The following GPR158 variants were observed in gnomAD, a reference collection of about 807,000 sequenced individuals.
GPR158 encodes the protein metabotropic glycine receptor.
Under a neutral mutation model 78.2 loss-of-function variants are expected in GPR158, and 30 were observed. The observed-to-expected ratio is 0.38, with a 90% CI of 0.29 to 0.52. GPR158 has a LOEUF of 0.52. Among genes scored for constraint, GPR158 ranks in the 20% least tolerant of loss-of-function variants. GPR158 has a pLI of 0.83. For synonymous variants in GPR158, 581 were observed against 591.1 expected (o/e 0.98, Z 0.25); for missense variants, 1,463 against 1,523.5 (o/e 0.96, Z 0.66).
chr10:25,219,566 G>A (rs1853269446), intron 1 of GPR158, among the ~76,000 whole-genome samples: 1 of 152,086 alleles, frequency 6.6e-6, no homozygotes, highest in South Asian at 2.1e-4. Flanking sequence ...AACATATTCT[G>A]GATTATCTGG....
At position 25,221,167 on chromosome 10, in the gene GPR158, T is replaced by C; in HGVS notation, c.1008+10T>C. 3 of 1,354,406 alleles carry C rather than the reference T, an allele frequency of 2.2e-6. No individual in the cohort carries two copies. Among genetic ancestry groups the C allele is most frequent in the Non-Finnish European group, 3.2e-6 (3 of 950,564 alleles). The allele number at this position is 1,354,406 out of a possible 1,614,324, so 83.9% of individuals were successfully genotyped here. On this transcript the variant is annotated intron_variant, in intron 2 of 10. Coordinates refer to ENST00000376351, the MANE Select transcript of GPR158 (RefSeq NM_020752.3). The stretch of plus-strand genomic sequence containing the variant: ...CCTCAACAATTCAGAGGTAAGAAGA[T>C]GAAAATAAAATCCTCTTTAAGCTCA...
intron 4 of GPR158, among the ~76,000 whole-genome samples, chr10:25,423,149 ATG>A (rs1834776699): frequency 1.4e-5 from 2 of 147,754 alleles, no homozygotes; most frequent in African/African-American, 2.6e-5. Context: ...ATACATATAT[ATG>A]TATATGTATA....
chr10:25,339,117 T>C (rs1855267616), intron 2 of GPR158, among the ~76,000 whole-genome samples: 1 of 151,462 alleles, frequency 6.6e-6, no homozygotes, highest in Non-Finnish European at 1.5e-5. Context: ...TCCAAGTACC[T>C]GGGACTACAG....
At chr10:25,271,458 G>T (rs1290893777) in intron 2 of GPR158, among the ~76,000 whole-genome samples, 1 of 152,054 alleles carries the variant, frequency 6.6e-6, no homozygotes, top group African/African-American at 2.4e-5. Flanking sequence ...GACATTACAG[G>T]AAGCCATCTT....
rs1377159551 is a variant in GPR158, at chr10:25,524,312, CA to C, written c.1405-26662del. On this transcript the variant is annotated intron_variant, in intron 5 of 10. Coordinates refer to ENST00000376351, the MANE Select transcript of GPR158 (RefSeq NM_020752.3). ...TCGTTCTAAAATGTATATGGACACGCAAGGGGCCCAGAATATCTAAAATAAT... is the reference window on the plus strand; with the variant it reads ...TCGTTCTAAAATGTATATGGACACGCAGGGGCCCAGAATATCTAAAATAAT... 7.9e-5 allele frequency among the ~76,000 whole-genome samples: 12 copies of C among 152,222 alleles called. No homozygotes were observed. In the South Asian group the frequency reaches 1.5e-3, roughly 18 times the overall value.
chr10:25,593,595 C>G (rs1332926287), intron 8 of GPR158, among the ~76,000 whole-genome samples: 1 of 151,922 alleles, frequency 6.6e-6, no homozygotes, highest in Non-Finnish European at 1.5e-5. Context: ...GAAAATATTC[C>G]CAAATTACTA....
chr10:25,533,643 T>G lies in GPR158; in HGVS notation c.1405-17333T>G, dbSNP rs183503253. Among the ~76,000 whole-genome samples, 329 of 152,354 alleles carry G rather than the reference T, an allele frequency of 2.2e-3. 3 individuals carry two copies. Among genetic ancestry groups the G allele is most frequent in the African/African-American group, 7.6e-3 (314 of 41,588 alleles). ...ATTTTCCTTGGAAGTTATTTTTACC[T>G]TGTCGGCAGTGTTCAGTTCAACCCT... On this transcript the variant is annotated intron_variant, in intron 5 of 10. Transcript: ENST00000376351.
intron 7 of GPR158, among the ~76,000 whole-genome samples, chr10:25,575,849 A>C (rs773236585): frequency 6.2e-4 from 94 of 152,060 alleles, no homozygotes; most frequent in Non-Finnish European, 7.9e-4. Context: ...TCCTGCCTTC[A>C]TATCTATAAA....
At chr10:25,204,696 A>G (rs1229008980) in intron 1 of GPR158, among the ~76,000 whole-genome samples, 1 of 151,340 alleles carries the variant, frequency 6.6e-6, no homozygotes, top group East Asian at 1.9e-4. Context: ...TTCTTCAGGG[A>G]TATTGGTCTA....
chr10:25,452,405 A>G (rs139476005), intron 4 of GPR158, among the ~76,000 whole-genome samples: 7 of 152,174 alleles, frequency 4.6e-5, no homozygotes, highest in African/African-American at 1.7e-4. Flanking sequence ...AGTCTTAAAA[A>G]TGTAGCCAAA....
rs528801451 is a variant in GPR158, at chr10:25,383,509, G to A, written c.1009-12402G>A. On this transcript the variant is annotated intron_variant, in intron 2 of 10. Transcript: ENST00000376351. Reference sequence around the variant, plus strand: ...GGTTTCGTTTTCAGGAAATTTAGGCGGAGAAAAGGCACTTTACCTGGATGC... The same window carrying A: ...GGTTTCGTTTTCAGGAAATTTAGGCAGAGAAAAGGCACTTTACCTGGATGC... 3.9e-5 allele frequency among the ~76,000 whole-genome samples: 6 copies of A among 152,236 alleles called. No individual in the cohort carries two copies. In the East Asian group the frequency reaches 7.7e-4, roughly 20 times the overall value.
chr10:25,352,984 T>C (rs191983329), intron 2 of GPR158, among the ~76,000 whole-genome samples: 2 of 152,058 alleles, frequency 1.3e-5, no homozygotes, highest in East Asian at 3.9e-4. Context: ...TAAAAGACAA[T>C]CTGAAGTAGT....
At chr10:25,187,005 C>G (rs1311371539) in intron 1 of GPR158, among the ~76,000 whole-genome samples, 3 of 146,234 alleles carry the variant, frequency 2.1e-5, no homozygotes, top group African/African-American at 7.7e-5. Context: ...CACTCTGTCG[C>G]CCAGGCTGGA....
chr10:25,527,967 T>C (rs562663188), intron 5 of GPR158, among the ~76,000 whole-genome samples: 3 of 152,098 alleles, frequency 2.0e-5, no homozygotes, highest in Admixed American at 1.3e-4. Context: ...TTTTGAAAAA[T>C]ACAACTTACT....
intron 2 of GPR158, among the ~76,000 whole-genome samples, chr10:25,286,786 G>T: frequency 6.6e-6 from 1 of 151,886 alleles, no homozygotes; most frequent in Non-Finnish European, 1.5e-5. Flanking sequence ...TCTGGTTTTG[G>T]GATTGTTGCT....
chr10:25,539,627 G>A (rs895503439), intron 5 of GPR158, among the ~76,000 whole-genome samples: 7 of 150,298 alleles, frequency 4.7e-5, no homozygotes, highest in Non-Finnish European at 8.9e-5. Flanking sequence ...CCCAAATCTT[G>A]TATATTTTAT....
At chr10:25,297,590 G>A (rs996502357) in intron 2 of GPR158, among the ~76,000 whole-genome samples, 1 of 152,160 alleles carries the variant, frequency 6.6e-6, no homozygotes, top group African/African-American at 2.4e-5. Context: ...CAGGAAGTAT[G>A]TTCTGTTTTA....
At chr10:25,375,744 C>T (rs1182639774) in intron 2 of GPR158, among the ~76,000 whole-genome samples, 1 of 151,532 alleles carries the variant, frequency 6.6e-6, no homozygotes, top group East Asian at 1.9e-4. Context: ...AAAATTGAAT[C>T]TTTTGCCTAT....
intron 1 of GPR158, among the ~76,000 whole-genome samples, chr10:25,203,933 A>C (rs1425457381): frequency 4.2e-5 from 6 of 144,232 alleles, no homozygotes; most frequent in Admixed American, 2.1e-4. Flanking sequence ...CTTTTATTTC[A>C]TTGAGCAGTG....
Sources: gnomAD v4.1 joint callset for allele counts (sites outside exome capture counted in the v4.1 genomes callset) on GRCh38, gnomAD v4.1.1 for gene constraint, MANE v1.5 for transcripts, NCBI Gene and HGNC (gene_info 2026-07-23, HGNC 2026-07-21) for gene names.